NEK7: variants seen among roughly 807,000 people sequenced by gnomAD.
The protein encoded by NEK7 is serine/threonine-protein kinase Nek7.
Under a neutral mutation model 44.6 loss-of-function variants are expected in NEK7, and 18 were observed. The ratio of observed to expected loss-of-function variants is 0.40; its 90% CI spans 0.28 to 0.60. The LOEUF (loss-of-function observed/expected upper bound fraction) is 0.60. Ranked by LOEUF, NEK7 falls within the 20% of genes least tolerant of loss-of-function variation. The probability of loss-of-function intolerance (pLI) is 0.38; values close to 1 mark genes in which losing one functional copy is unlikely to be tolerated. For synonymous variants in NEK7, 130 were observed against 121.1 expected, an observed-to-expected ratio of 1.07 and a Z score of -0.48; for missense variants, 256 against 366.5, an observed-to-expected ratio of 0.70 and a Z score of 2.46.
At chr1:198,210,486 A>G (rs10801649) in intron 1 of NEK7, among the ~76,000 whole-genome samples, 51,114 of 151,928 alleles carry the variant, frequency 0.34, 9,823 homozygotes, top group East Asian at 0.8. Context: ...TTTGTTTCCA[A>G]TTTTTAAAAA....
chr1:198,184,150 T>C (rs912789511), intron 1 of NEK7, among the ~76,000 whole-genome samples: 1 of 152,202 alleles, frequency 6.6e-6, no homozygotes, highest in Non-Finnish European at 1.5e-5. Flanking sequence ...AGTGTGAAAA[T>C]AGTAATTTTT....
At position 198,198,026 on chromosome 1, in the gene NEK7, C is replaced by T. The variant is rs1665295374; in HGVS notation, c.-28-34527C>T. The stretch of plus-strand genomic sequence containing the variant: ...GGCTGTGGCACAGGATGAGGGGGCC[C>T]ACCTGGGGGGAAAGCTGGATTGCCC... On this transcript the variant is annotated intron_variant, in intron 1 of 9. Transcript: ENST00000367385. 1.1e-5 allele frequency: 16 copies of T among 1,512,032 alleles called. No homozygotes were observed. The South Asian group carries it at 2.1e-4, about 20-fold the overall frequency. The allele number at this position is 1,512,032 out of a possible 1,614,324, so 93.7% of individuals were successfully genotyped here.
At chr1:198,231,291 ATG>A (rs33916230) in intron 1 of NEK7, among the ~76,000 whole-genome samples, 2,343 of 109,592 alleles carry the variant, frequency 0.021, 126 homozygotes, top group African/African-American at 0.075. Flanking sequence ...ATATACGTGT[ATG>A]TGTGTGTGTA....
At chr1:198,219,344 A>G (rs559795316) in intron 1 of NEK7, among the ~76,000 whole-genome samples, 1 of 151,268 alleles carries the variant, frequency 6.6e-6, no homozygotes, top group Non-Finnish European at 1.5e-5. Flanking sequence ...GTGTATATAT[A>G]TATGTGTGTG....
At chr1:198,305,509 G>A (rs1654999201) in intron 9 of NEK7, among the ~76,000 whole-genome samples, 1 of 152,094 alleles carries the variant, frequency 6.6e-6, no homozygotes, top group African/African-American at 2.4e-5. Flanking sequence ...AAAACTTAGA[G>A]GTATTTCTTA....
chr1:198,186,502 C>T (rs1664929558), intron 1 of NEK7, among the ~76,000 whole-genome samples: 1 of 152,142 alleles, frequency 6.6e-6, no homozygotes, highest in Non-Finnish European at 1.5e-5. Flanking sequence ...ACTGGATTGC[C>T]TACATAACTA....
At chr1:198,315,247 G>C (rs1244867009) in intron 9 of NEK7, among the ~76,000 whole-genome samples, 1 of 152,176 alleles carries the variant, frequency 6.6e-6, no homozygotes, top group Non-Finnish European at 1.5e-5. Flanking sequence ...GGAACTCTCT[G>C]ACCCCTTGCG....
rs145991272 is a variant in NEK7, at chr1:198,185,349, G to A, written c.-29+28073G>A. On this transcript the variant is annotated intron_variant, in intron 1 of 9. Coordinates refer to ENST00000367385, the MANE Select transcript of NEK7 (RefSeq NM_133494.3). The stretch of plus-strand genomic sequence containing the variant: ...TAAAGAAGTGTTTTCAATGATTGGC[G>A]TCTTCTTTTGTGTGTTGTCCAAATT... Among the ~76,000 whole-genome samples, 501 of 151,790 alleles carry A rather than the reference G, an allele frequency of 3.3e-3. 2 individuals are homozygous for A. Among genetic ancestry groups the A allele is most frequent in the Middle Eastern group, 6.8e-3 (2 of 294 alleles).
chr1:198,227,388 A>G (rs1042485370), intron 1 of NEK7, among the ~76,000 whole-genome samples: 3 of 152,212 alleles, frequency 2.0e-5, no homozygotes, highest in African/African-American at 7.2e-5. Context: ...ATACCCAGTA[A>G]TGGGATGGCT....
intron 3 of NEK7, among the ~76,000 whole-genome samples, chr1:198,259,798 T>C (rs10922392): frequency 0.18 from 26,200 of 149,104 alleles, 3,196 homozygotes; most frequent in African/African-American, 0.33. Context: ...AACTTTCGAT[T>C]TTACACACAC....
intron 7 of NEK7, among the ~76,000 whole-genome samples, chr1:198,280,350 C>T (rs1007388677): frequency 6.6e-6 from 1 of 152,196 alleles, no homozygotes; most frequent in African/African-American, 2.4e-5. Context: ...CATTCTGTCA[C>T]TAGTTTAGTT....
intron 2 of NEK7, among the ~76,000 whole-genome samples, chr1:198,245,596 T>C (rs1666814644): frequency 6.6e-6 from 1 of 152,194 alleles, no homozygotes; most frequent in Non-Finnish European, 1.5e-5. Context: ...CACAGTGCAC[T>C]TGGGAAATAC....
At chr1:198,204,458 G>A (rs1027241552) in intron 1 of NEK7, among the ~76,000 whole-genome samples, 1 of 151,926 alleles carries the variant, frequency 6.6e-6, no homozygotes, top group Admixed American at 6.6e-5. Context: ...GGTGGCTCAC[G>A]CCTGTAATCC....
Position 198,303,608 on chromosome 1 carries a change from G to A in NEK7, c.798+6368G>A, listed in dbSNP as rs187873050. On this transcript the variant is annotated intron_variant, in intron 9 of 9. Coordinates refer to ENST00000367385, the MANE Select transcript of NEK7 (RefSeq NM_133494.3). Reference sequence around the variant, plus strand: ...GTCCAAATATTTTTAGTTTGTAATTGCTAGATTTACAAATTTTAATAGATC... The same window carrying A: ...GTCCAAATATTTTTAGTTTGTAATTACTAGATTTACAAATTTTAATAGATC... Among the ~76,000 whole-genome samples, 538 of 152,042 alleles carry A rather than the reference G, an allele frequency of 3.5e-3. 4 individuals are homozygous for A. Among genetic ancestry groups the A allele is most frequent in the Admixed American group, 5.9e-3 (90 of 15,276 alleles).
At chr1:198,282,278 A>G (rs1316849492) in intron 7 of NEK7, among the ~76,000 whole-genome samples, 1 of 152,010 alleles carries the variant, frequency 6.6e-6, no homozygotes, top group Non-Finnish European at 1.5e-5. Context: ...ACTTTCCTCA[A>G]AATCCTCCTT....
intron 2 of NEK7, among the ~76,000 whole-genome samples, chr1:198,243,365 A>G (rs1472768269): frequency 6.6e-6 from 1 of 152,204 alleles, no homozygotes; most frequent in Non-Finnish European, 1.5e-5. Context: ...ATATTTGTGG[A>G]ATAAATGAAT....
chr1:198,290,558 C>T (rs912319022), intron 7 of NEK7, among the ~76,000 whole-genome samples: 7 of 152,152 alleles, frequency 4.6e-5, no homozygotes, highest in African/African-American at 1.2e-4. Context: ...TTGTCCAGAA[C>T]GGAGGGGCAT....
At chr1:198,183,973 G>A (rs563931546) in intron 1 of NEK7, among the ~76,000 whole-genome samples, 2 of 152,210 alleles carry the variant, frequency 1.3e-5, no homozygotes, top group Admixed American at 6.5e-5. Flanking sequence ...TGGAATGTAG[G>A]TGCCTACCCT....
intron 1 of NEK7, among the ~76,000 whole-genome samples, chr1:198,164,676 CA>C (rs1664212702): frequency 6.6e-6 from 1 of 152,146 alleles, no homozygotes; most frequent in South Asian, 2.1e-4. Flanking sequence ...TTCAGCAGTT[CA>C]TAATATTTTT....
Sources: gnomAD v4.1 joint callset for allele counts (sites outside exome capture counted in the v4.1 genomes callset) on GRCh38, gnomAD v4.1.1 for gene constraint, MANE v1.5 for transcripts, NCBI Gene and HGNC (gene_info 2026-07-23, HGNC 2026-07-21) for gene names.